GRM4: variants seen among roughly 807,000 people sequenced by gnomAD.
The protein encoded by GRM4 is metabotropic glutamate receptor 4.
In GRM4, 28 loss-of-function variants were observed where a neutral mutation model predicts 81.7. That is an observed-to-expected ratio of 0.34 (90% CI 0.25 to 0.47). The LOEUF is 0.47. Ranked by LOEUF, GRM4 falls within the 20% of genes least tolerant of loss-of-function variation. The pLI is 1.00. For missense variants in GRM4, 948 were observed against 1,290.0 expected (o/e 0.73, Z 4.06); for synonymous variants, 488 against 528.8 (o/e 0.92, Z 1.06).
chr6:34,081,433 T>A (rs1581668960), intron 3 of GRM4, among the ~76,000 whole-genome samples: 1 of 152,080 alleles, frequency 6.6e-6, no homozygotes, highest in African/African-American at 2.4e-5. Flanking sequence ...GGAGGCCGAG[T>A]CTCTTCAGGC....
In GRM4 at chr6:34,047,794, G is replaced by A. The variant is rs886359104; in HGVS notation, c.1169-7046C>T. 1.3e-5 allele frequency among the ~76,000 whole-genome samples: 2 copies of A among 152,182 alleles called. No homozygotes were observed. The highest frequency in any genetic ancestry group is 2.9e-5 in the Non-Finnish European group (2 of 68,038). The stretch of plus-strand genomic sequence containing the variant: ...GGAAACTGAGGCCTGAGGAGGTGAA[G>A]CAGCTTACCCAGTGGGAGTCGATTC... On this transcript the variant is annotated intron_variant, in intron 6 of 10. Transcript: ENST00000538487. The surrounding 1 kb of genome is among the most constrained non-coding windows in gnomAD (Gnocchi z 4.5).
rs1315980241 is a variant in GRM4, at chr6:34,136,951, G to A, written c.-363-3092C>T. 6.6e-6 allele frequency among the ~76,000 whole-genome samples: 1 copy of A among 152,050 alleles called. No homozygotes were observed. The highest frequency in any genetic ancestry group is 1.5e-5 in the Non-Finnish European group (1 of 67,974). ...AGGGTGTGGTGGGGTGGGTTGGGGT[G>A]GGGGCCAGGCGGATGCTCCCTTCCC... On this transcript the variant is annotated intron_variant, in intron 1 of 10. Transcript: ENST00000538487. The surrounding 1 kb of genome is among the most constrained non-coding windows in gnomAD (Gnocchi z 4.1).
At chr6:34,075,881 G>A (rs1221836878) in intron 3 of GRM4, among the ~76,000 whole-genome samples, 3 of 152,172 alleles carry the variant, frequency 2.0e-5, no homozygotes, top group Non-Finnish European at 4.4e-5. Flanking sequence ...CTCAACCGAC[G>A]ATAGCGGAAA....
rs6904593 is a variant in GRM4 at position 34,080,034 on chromosome 6, G to T, written c.736+11849C>A. On this transcript the variant is annotated intron_variant, in intron 3 of 10. Transcript: ENST00000538487. This position sits in a 1 kb window ranked among gnomAD's most constrained non-coding sequence, Gnocchi z 5.4. ...GGCCCCATGCAATTTGCCCTCCTCC[G>T]GCCGTATGTCTCCCTGCCTCACTCA... 6.6e-6 allele frequency among the ~76,000 whole-genome samples: 1 copy of T among 151,940 alleles called. No homozygotes were observed. Among genetic ancestry groups the T allele is most frequent in the Non-Finnish European group, 1.5e-5 (1 of 67,966 alleles).
chr6:34,100,018 A>G, intron 2 of GRM4: 1 of 977,460 alleles, frequency 1.0e-6, no homozygotes, highest in Non-Finnish European at 1.2e-6. Flanking sequence ...TCCCTCATTA[A>G]TCAGATCTAT....
intron 9 of GRM4, among the ~76,000 whole-genome samples, chr6:34,030,686 C>A (rs899401159): frequency 6.6e-6 from 1 of 152,158 alleles, no homozygotes; most frequent in East Asian, 1.9e-4. Flanking sequence ...CATATTGAAT[C>A]GTGGATAATT....
chr6:34,104,342 C>T lies in GRM4; in HGVS notation c.520-12243G>A, dbSNP rs369427684. Among the ~76,000 whole-genome samples, 21 of 152,302 alleles carry T rather than the reference C, an allele frequency of 1.4e-4. No individual in the cohort carries two copies. The South Asian group carries it at 3.9e-3, about 29-fold the overall frequency. On this transcript the variant is annotated intron_variant, in intron 2 of 10. Coordinates refer to ENST00000538487, the MANE Select transcript of GRM4 (RefSeq NM_000841.4). ...CAGTGGGCAGGAGGCGGCAGCAGCA[C>T]GAGGCTACTGGAGTGTTCGTGTCAT...
chr6:34,048,533 G>A lies in GRM4; in HGVS notation c.1169-7785C>T, dbSNP rs907290406. Among the ~76,000 whole-genome samples, 15 of 152,088 alleles carry A rather than the reference G, an allele frequency of 9.9e-5. No homozygotes were observed. Among genetic ancestry groups the A allele is most frequent in the African/African-American group, 3.4e-4 (14 of 41,376 alleles). ...GCCGCCCCTGCTAACAACTCCCAAC[G>A]CAGACATCCCTCTCCCCCATTATTC... On this transcript the variant is annotated intron_variant, in intron 6 of 10. Coordinates refer to ENST00000538487, the MANE Select transcript of GRM4 (RefSeq NM_000841.4). This position sits in a 1 kb window ranked among gnomAD's most constrained non-coding sequence, Gnocchi z 4.0.
Position 34,092,356 on chromosome 6 carries a change from G to C in GRM4, c.520-257C>G, listed in dbSNP as rs1262434119. On this transcript the variant is annotated intron_variant, in intron 2 of 10. Coordinates refer to ENST00000538487, the MANE Select transcript of GRM4 (RefSeq NM_000841.4). This position sits in a 1 kb window ranked among gnomAD's most constrained non-coding sequence, Gnocchi z 6.8. Reference sequence around the variant, plus strand: ...ATACACCACACACACATACACCCTGGGAGCCTCTGGCTGCCTAAATTTACA... The same window carrying C: ...ATACACCACACACACATACACCCTGCGAGCCTCTGGCTGCCTAAATTTACA... Among the ~76,000 whole-genome samples the C allele has an allele frequency of 2.6e-5, 4 of 152,062 alleles. No individual in the cohort carries two copies. Among genetic ancestry groups the C allele is most frequent in the Non-Finnish European group, 5.9e-5 (4 of 67,992 alleles).
At chr6:34,051,457 C>G (rs1245568349) in intron 6 of GRM4, among the ~76,000 whole-genome samples, 1 of 152,210 alleles carries the variant, frequency 6.6e-6, no homozygotes, top group Non-Finnish European at 1.5e-5. Context: ...GCTGCCCTCC[C>G]TCTCTGAGCT....
chr6:34,146,498 A>C (rs1002988315), upstream of GRM4, among the ~76,000 whole-genome samples: 1 of 152,162 alleles, frequency 6.6e-6, no homozygotes, highest in Non-Finnish European at 1.5e-5. Context: ...GAAAACTCTC[A>C]GGAGAGTGTT....
intron 2 of GRM4, chr6:34,110,777 G>T (rs960126946): frequency 1.7e-5 from 24 of 1,439,880 alleles, no homozygotes; most frequent in Non-Finnish European, 2.1e-5. Flanking sequence ...GATCAAAGTG[G>T]TGCCCCTCCC....
intron 10 of GRM4, among the ~76,000 whole-genome samples, chr6:34,027,735 C>G (rs960466011): frequency 1.3e-5 from 2 of 152,182 alleles, no homozygotes; most frequent in African/African-American, 4.8e-5. Context: ...GGCAGGGGCA[C>G]AGGCAGAGAC....
upstream of GRM4, among the ~76,000 whole-genome samples, chr6:34,149,329 G>A (rs543367671): frequency 9.2e-5 from 14 of 152,278 alleles, no homozygotes; most frequent in Admixed American, 7.2e-4. Flanking sequence ...GTGTCTGATG[G>A]GTTTCAATTT....
rs558823015 is a variant in GRM4 at position 34,074,560 on chromosome 6, C to A, written c.737-12532G>T. Among the ~76,000 whole-genome samples the A allele has an allele frequency of 7.2e-6, 1 of 139,036 alleles. No individual in the cohort carries two copies. Among genetic ancestry groups the A allele is most frequent in the South Asian group, 2.2e-4 (1 of 4,496 alleles). The allele number at this position is 139,036 out of a possible 152,430, so 91.2% of individuals were successfully genotyped here. ...GCCAGGAGAGGAGGCTGCTGGGCGG[C>A]GCAGGCAGTGTGGCTCAGAGCTGAG... On this transcript the variant is annotated intron_variant, in intron 3 of 10. Transcript: ENST00000538487. This position sits in a 1 kb window ranked among gnomAD's most constrained non-coding sequence, Gnocchi z 4.9.
At position 34,028,103 on chromosome 6, in the gene GRM4, C is replaced by A; in HGVS notation, c.2689+17G>T. On this transcript the variant is annotated intron_variant, in intron 10 of 10. Coordinates refer to ENST00000538487, the MANE Select transcript of GRM4 (RefSeq NM_000841.4). The stretch of plus-strand genomic sequence containing the variant: ...GGGCCTGGGGCCCGAGAGGGCAGAA[C>A]GGGGCCAGGCACTCACCTGGGGCCT... 1 of 1,603,188 alleles carries A rather than the reference C, an allele frequency of 6.2e-7. No homozygotes were observed. The highest frequency in any genetic ancestry group is 8.5e-7 in the Non-Finnish European group (1 of 1,173,486).
intron 2 of GRM4, chr6:34,110,516 A>C: frequency 2.2e-6 from 1 of 444,656 alleles, no homozygotes; most frequent in South Asian, 3.3e-5. Context: ...GCCCTCTGCC[A>C]ACTGGGCTTT....
Position 34,044,237 on chromosome 6 carries a change from CAT to C in GRM4, c.1169-3491_1169-3490del, listed in dbSNP as rs1481613787. ...ACATACACATATATACAGACACACA[CAT>C]ACACACACAGAGACATACATACATA... is the stretch of plus-strand genomic sequence containing the variant. On this transcript the variant is annotated intron_variant, in intron 6 of 10. Coordinates refer to ENST00000538487, the MANE Select transcript of GRM4 (RefSeq NM_000841.4). 2.4e-4 allele frequency among the ~76,000 whole-genome samples: 36 copies of C among 150,676 alleles called. No homozygotes were observed. In the East Asian group the frequency reaches 4.7e-3, roughly 20 times the overall value.
chr6:34,105,428 T>C (rs1365291193), intron 2 of GRM4, among the ~76,000 whole-genome samples: 1 of 152,132 alleles, frequency 6.6e-6, no homozygotes, highest in Non-Finnish European at 1.5e-5. Context: ...CCAGTCCTCA[T>C]TGCACTTGGC....
Sources: gnomAD v4.1 joint callset for allele counts (sites outside exome capture counted in the v4.1 genomes callset) on GRCh38, gnomAD v4.1.1 for gene constraint, Gnocchi (gnomAD v3.1) non-coding constraint, MANE v1.5 for transcripts, NCBI Gene and HGNC (gene_info 2026-07-23, HGNC 2026-07-21) for gene names.